LIPC: variants seen among roughly 807,000 people sequenced by gnomAD.
LIPC encodes the protein hepatic triacylglycerol lipase.
In LIPC, 44 loss-of-function variants were observed where a neutral mutation model predicts 50.7. That is an observed-to-expected ratio of 0.87 (90% confidence interval 0.68 to 1.11). The LOEUF is 1.11. Ranked by LOEUF, LIPC falls within the 50% of genes most tolerant of loss-of-function variation. LIPC has a pLI of 0.00. For synonymous variants in LIPC, 271 were observed against 256.4 expected (o/e 1.06, Z -0.54); for missense variants, 697 against 648.2 (o/e 1.08, Z -0.82).
chr15:58,534,671 A>G (rs1893057723), intron 1 of LIPC, among the ~76,000 whole-genome samples: 1 of 152,208 alleles, frequency 6.6e-6, no homozygotes, highest in Non-Finnish European at 1.5e-5. Context: ...AAAAAGTGTG[A>G]GTGCCTGGCC....
At chr15:58,498,342 A>T (rs558714811) in intron 1 of LIPC, among the ~76,000 whole-genome samples, 3 of 152,086 alleles carry the variant, frequency 2.0e-5, no homozygotes, top group Non-Finnish European at 4.4e-5. Context: ...ATTCCTGGTG[A>T]TGTTGCCGCT....
chr15:58,547,401 A>G (rs1313443709), intron 5 of LIPC, among the ~76,000 whole-genome samples: 1 of 152,142 alleles, frequency 6.6e-6, no homozygotes, highest in Non-Finnish European at 1.5e-5. Context: ...GGAGGAGCGG[A>G]GGGCACGCAG....
intron 1 of LIPC, among the ~76,000 whole-genome samples, chr15:58,480,480 A>G (rs1566923031): frequency 6.6e-6 from 1 of 152,092 alleles, no homozygotes. Flanking sequence ...TTTTTAGTAG[A>G]GATGAGGTTT....
Position 58,545,834 on chromosome 15 carries a change from T to A in LIPC, c.667T>A (p.Phe223Ile). The A allele has an allele frequency of 6.2e-7, 1 of 1,614,174 alleles. No homozygotes were observed. Among genetic ancestry groups the A allele is most frequent in the Non-Finnish European group, 8.5e-7 (1 of 1,180,012 alleles). The stretch of plus-strand genomic sequence containing the variant: ...CAATTTTGTGGATGCCATTCATACC[T>A]TTACCCGGGAGCACATGGGCCTGAG... ...DANFVDAIHT[F>I]TREHMGLSVG... Residue 223 changes from phenylalanine (F) to isoleucine (I), a missense_variant, in exon 5 of 9, where the codon TTT becomes ATT. Transcript: ENST00000299022.
At chr15:58,458,913 AT>A (rs1894232766) in intron 1 of LIPC, among the ~76,000 whole-genome samples, 1 of 152,204 alleles carries the variant, frequency 6.6e-6, no homozygotes. Flanking sequence ...GAAAAAGTAC[AT>A]TAGGTCAACC....
chr15:58,528,702 A>G (rs564241080), intron 1 of LIPC, among the ~76,000 whole-genome samples: 2 of 152,336 alleles, frequency 1.3e-5, no homozygotes, highest in African/African-American at 4.8e-5. Context: ...TCTGCTGTGC[A>G]GTAACAAGCC....
chr15:58,437,368 G>A (rs1186393073), intron 1 of LIPC, among the ~76,000 whole-genome samples: 1 of 151,460 alleles, frequency 6.6e-6, no homozygotes, highest in Non-Finnish European at 1.5e-5. Flanking sequence ...TAAGAAAATT[G>A]TATATGCAAT....
chr15:58,548,226 T>C (rs1199676561), intron 5 of LIPC, 104 bp from the exon 6 acceptor site: 17 of 1,491,238 alleles, frequency 1.1e-5, no homozygotes, highest in Non-Finnish European at 1.6e-5. Context: ...GCCTGTTCTG[T>C]GTGCTACTGC....
At chr15:58,521,594 A>T (rs1892654358) in intron 1 of LIPC, 1 of 152,188 alleles carries the variant, frequency 6.6e-6, no homozygotes, top group Admixed American at 6.6e-5. Context: ...GTGTGAACAG[A>T]GGGGACTGGA....
intron 8 of LIPC, among the ~76,000 whole-genome samples, chr15:58,564,913 T>G (rs1437262264): frequency 6.6e-6 from 1 of 152,110 alleles, no homozygotes; most frequent in South Asian, 2.1e-4. Flanking sequence ...CCCTTCTCTA[T>G]TCAGGAAACG....
chr15:58,461,121 C>G (rs1315033950), intron 1 of LIPC, among the ~76,000 whole-genome samples: 3 of 152,074 alleles, frequency 2.0e-5, no homozygotes, highest in African/African-American at 7.2e-5. Flanking sequence ...GGGAGGGAGA[C>G]GTCATAACAA....
chr15:58,544,768 T>G (rs796816153), intron 4 of LIPC, among the ~76,000 whole-genome samples: 4 of 152,162 alleles, frequency 2.6e-5, no homozygotes, highest in African/African-American at 9.6e-5. Flanking sequence ...TCTCAATTCC[T>G]TCGCCCCCCA....
At chr15:58,551,741 T>C (rs1272697836) in intron 6 of LIPC, among the ~76,000 whole-genome samples, 2 of 152,060 alleles carry the variant, frequency 1.3e-5, no homozygotes, top group African/African-American at 4.8e-5. Context: ...GAAACCACAA[T>C]CCCCATTTTT....
chr15:58,556,591 T>C (rs1292461667), intron 6 of LIPC, among the ~76,000 whole-genome samples: 1 of 152,248 alleles, frequency 6.6e-6, no homozygotes, highest in Non-Finnish European at 1.5e-5. Flanking sequence ...GCATTCTGTT[T>C]TGCAGAGTTG....
intron 5 of LIPC, among the ~76,000 whole-genome samples, chr15:58,547,668 C>A (rs1893583796): frequency 9.3e-6 from 1 of 107,400 alleles, no homozygotes; most frequent in Non-Finnish European, 2.1e-5. Context: ...CTTAGTAGAT[C>A]AACCTCATAA....
At position 58,518,689 on chromosome 15, in the gene LIPC, T is replaced by G. The variant is rs1257449479; in HGVS notation, c.89-19644T>G. On this transcript the variant is annotated intron_variant, in intron 1 of 8. Transcript: ENST00000299022. The stretch of plus-strand genomic sequence containing the variant: ...CACAACGTGGATGAATCTCACTTAA[T>G]GTTGGGTGAGAAGAGCCAGGCCCAA... Among the ~76,000 whole-genome samples, 3 of 152,178 alleles carry G rather than the reference T, an allele frequency of 2.0e-5. No homozygotes were observed. The East Asian group carries it at 5.8e-4, about 29-fold the overall frequency.
intron 1 of LIPC, among the ~76,000 whole-genome samples, chr15:58,470,923 T>A (rs745710863): frequency 2.0e-5 from 3 of 152,138 alleles, no homozygotes; most frequent in Non-Finnish European, 4.4e-5. Context: ...TTTGTCTGCC[T>A]CCTTTTCATC....
intron 1 of LIPC, among the ~76,000 whole-genome samples, chr15:58,492,372 T>A (rs761571402): frequency 9.9e-5 from 15 of 152,240 alleles, no homozygotes; most frequent in Non-Finnish European, 2.1e-4. Context: ...GTTACTATAA[T>A]ATACATAGCC....
intron 1 of LIPC, among the ~76,000 whole-genome samples, chr15:58,478,657 C>T (rs1179774591): frequency 6.6e-6 from 1 of 152,186 alleles, no homozygotes; most frequent in Non-Finnish European, 1.5e-5. Context: ...TACCCAAGGT[C>T]ATATAGTTGA....
Sources: allele counts gnomAD v4.1 joint callset (sites outside exome capture counted in the v4.1 genomes callset), GRCh38; gene constraint gnomAD v4.1.1; transcripts MANE v1.5; gene names NCBI Gene and HGNC (gene_info 2026-07-23, HGNC 2026-07-21).